Variants in NTN1 observed in about 807,000 individuals in gnomAD.
NTN1 encodes netrin 1, also known as netrin-1.
NTN1 carries 11 observed loss-of-function variants against 54.2 expected under a neutral mutation model. The ratio of observed to expected loss-of-function variants is 0.20; its 90% CI spans 0.13 to 0.34. NTN1 has a LOEUF of 0.34. Ranked by LOEUF, NTN1 falls within the 10% of genes least tolerant of loss-of-function variation. NTN1 has a pLI of 1.00. For missense variants in NTN1, 740 were observed against 893.1 expected (o/e 0.83, Z 2.18); for synonymous variants, 371 against 382.0 (o/e 0.97, Z 0.33).
intron 6 of NTN1, among the ~76,000 whole-genome samples, chr17:9,227,189 C>T (rs375689142): frequency 3.2e-4 from 48 of 151,422 alleles, no homozygotes; most frequent in African/African-American, 8.0e-4. Context: ...ATACCACACA[C>T]GCATGCACAC....
chr17:9,124,502 A>G (rs1222416944), intron 2 of NTN1, among the ~76,000 whole-genome samples: 1 of 152,206 alleles, frequency 6.6e-6, no homozygotes, highest in Non-Finnish European at 1.5e-5. Flanking sequence ...AGGGCCTAAT[A>G]TGGGCTTGGG....
chr17:9,080,318 C>T (rs908329853), intron 2 of NTN1, among the ~76,000 whole-genome samples: 9 of 152,356 alleles, frequency 5.9e-5, no homozygotes, highest in African/African-American at 1.9e-4. Flanking sequence ...CCCTCCTTGA[C>T]TGGTCCTCCT....
intron 6 of NTN1, among the ~76,000 whole-genome samples, chr17:9,238,237 C>T (rs916116159): frequency 2.0e-5 from 3 of 152,088 alleles, no homozygotes; most frequent in African/African-American, 7.2e-5. Context: ...GCTGGACGTT[C>T]CCTGGGGAGG....
At chr17:9,162,197 G>A (rs941424422) in intron 2 of NTN1, among the ~76,000 whole-genome samples, 1 of 152,330 alleles carries the variant, frequency 6.6e-6, no homozygotes, top group South Asian at 2.1e-4. Flanking sequence ...CTCGGTGGAC[G>A]AGGGGGAGGG....
intron 2 of NTN1, among the ~76,000 whole-genome samples, chr17:9,154,438 T>C (rs1157950277): frequency 1.3e-5 from 2 of 152,246 alleles, no homozygotes; most frequent in Non-Finnish European, 1.5e-5. Context: ...TGTATATGTA[T>C]GATCGTTTCT....
chr17:9,030,780 T>A (rs1206513242), intron 2 of NTN1, among the ~76,000 whole-genome samples: 2 of 151,442 alleles, frequency 1.3e-5, no homozygotes, highest in African/African-American at 2.4e-5. Context: ...AAAAGAAAGA[T>A]GGTTCTGTAA....
At chr17:9,104,448 C>T (rs1466330378) in intron 2 of NTN1, among the ~76,000 whole-genome samples, 2 of 152,102 alleles carry the variant, frequency 1.3e-5, no homozygotes, top group Non-Finnish European at 1.5e-5. Context: ...CAAAGACACA[C>T]GAGCAGAAGC....
chr17:9,166,844 G>T (rs572687806), intron 3 of NTN1, among the ~76,000 whole-genome samples: 1 of 152,210 alleles, frequency 6.6e-6, no homozygotes, highest in African/African-American at 2.4e-5. Flanking sequence ...GCAGGGGGCC[G>T]AGGCCACCCA....
chr17:9,150,753 G>C (rs1158469719), intron 2 of NTN1, among the ~76,000 whole-genome samples: 1 of 152,066 alleles, frequency 6.6e-6, no homozygotes. Context: ...AGCCAAAAAA[G>C]GGCAGGGAAG....
chr17:9,022,238 T>C lies in NTN1; in HGVS notation c.-63-73T>C, dbSNP rs891310335. On this transcript the variant is annotated intron_variant, in intron 1 of 6. Transcript: ENST00000173229. ...AGGAAGCCGGGCGTTCTCCCGCATC[T>C]CCGCTCGCCACCCCGCCGAGAGCTG... 12 of 1,021,274 alleles carry C rather than the reference T, an allele frequency of 1.2e-5. No homozygotes were observed. In the African/African-American group the frequency reaches 2.0e-4, roughly 17 times the overall value. The allele number at this position is 1,021,274 out of a possible 1,614,324, so 63.3% of individuals were successfully genotyped here. A position where few individuals can be genotyped will look rare whatever the true frequency, so the allele number is the denominator to read the frequency against.
intron 2 of NTN1, among the ~76,000 whole-genome samples, chr17:9,120,410 T>A (rs58459437): frequency 0.27 from 40,600 of 152,128 alleles, 6,033 homozygotes; most frequent in African/African-American, 0.4. Context: ...TTAAGGATTT[T>A]GGGGGCCCTG....
At chr17:9,026,945 G>C (rs986260115) in intron 2 of NTN1, among the ~76,000 whole-genome samples, 1 of 138,292 alleles carries the variant, frequency 7.2e-6, no homozygotes, top group Non-Finnish European at 1.6e-5. Context: ...GACGAGCACC[G>C]TGCTGGGTTG....
the NTN1 span, among the ~76,000 whole-genome samples, chr17:9,008,075 T>A: frequency 1.3e-5 from 2 of 152,132 alleles, no homozygotes; most frequent in East Asian, 3.9e-4. Context: ...TATCTGACCC[T>A]GAGCTGAAGT....
chr17:9,079,038 A>G (rs1299033972), intron 2 of NTN1, among the ~76,000 whole-genome samples: 1 of 151,862 alleles, frequency 6.6e-6, no homozygotes, highest in Non-Finnish European at 1.5e-5. Flanking sequence ...CTCTCCCTCT[A>G]CTCCACATCC....
intron 6 of NTN1, among the ~76,000 whole-genome samples, chr17:9,235,743 T>G (rs537912551): frequency 0.069 from 2,250 of 32,806 alleles, 53 homozygotes; most frequent in African/African-American, 0.11. Flanking sequence ...TTCTTCTTTT[T>G]TTTTTTCTTT....
chr17:9,183,018 G>A, intron 5 of NTN1, 49 bp downstream of exon 5: 1 of 1,575,588 alleles, frequency 6.3e-7, no homozygotes, highest in Non-Finnish European at 8.7e-7. Flanking sequence ...TGGGTGGTGG[G>A]GTGGTGGGGT....
At chr17:9,227,657 T>TCACAC (rs137860749) in intron 6 of NTN1, among the ~76,000 whole-genome samples, 1 of 147,616 alleles carries the variant, frequency 6.8e-6, no homozygotes, top group Non-Finnish European at 1.5e-5. Context: ...CACCATCACA[T>TCACAC]ACCACACACA....
chr17:9,063,597 G>A (rs1290388252), intron 2 of NTN1, among the ~76,000 whole-genome samples: 2 of 151,838 alleles, frequency 1.3e-5, no homozygotes, highest in East Asian at 3.9e-4. Flanking sequence ...TCCCAGGCCG[G>A]AGTGCAGTGG....
intron 5 of NTN1, among the ~76,000 whole-genome samples, chr17:9,220,316 A>T (rs1342968427): frequency 6.6e-6 from 1 of 152,230 alleles, no homozygotes; most frequent in East Asian, 1.9e-4. Flanking sequence ...GGCAGGGCAG[A>T]CTGGGGGAGA....
Sources: gnomAD v4.1 joint callset for allele counts (sites outside exome capture counted in the v4.1 genomes callset) on GRCh38, gnomAD v4.1.1 for gene constraint, MANE v1.5 for transcripts, NCBI Gene and HGNC (gene_info 2026-07-23, HGNC 2026-07-21) for gene names.